The following THUMPD2 variants were observed in gnomAD, a reference collection of about 807,000 sequenced individuals.
THUMPD2 encodes the protein U6 snRNA (guanine-N(2))-methyltransferase THUMPD2.
Under a neutral mutation model 49.4 loss-of-function variants are expected in THUMPD2, and 56 were observed. The ratio of observed to expected loss-of-function variants is 1.13; its 90% CI spans 0.91 to 1.41. The LOEUF (loss-of-function observed/expected upper bound fraction) is 1.41. Ranked by LOEUF, THUMPD2 falls within the 40% of genes most tolerant of loss-of-function variation. The pLI is 0.00. For missense variants in THUMPD2, 709 were observed against 594.5 expected (o/e 1.19, Z -2.00); for synonymous variants, 237 against 205.2 (o/e 1.15, Z -1.32).
At chr2:39,765,661 C>G (rs1677420427) in intron 5 of THUMPD2, among the ~76,000 whole-genome samples, 1 of 151,444 alleles carries the variant, frequency 6.6e-6, no homozygotes, top group Admixed American at 6.6e-5. Context: ...TTTTCTCCAC[C>G]CTTTCTGTCT....
At chr2:39,741,510 G>A (rs1020517965) in intron 9 of THUMPD2, among the ~76,000 whole-genome samples, 1 of 152,028 alleles carries the variant, frequency 6.6e-6, no homozygotes, top group African/African-American at 2.4e-5. Flanking sequence ...TCCTTCAAGC[G>A]GTGCAAGGTG....
intron 8 of THUMPD2, among the ~76,000 whole-genome samples, chr2:39,754,734 CT>C (rs1675869115): frequency 6.6e-6 from 1 of 152,196 alleles, no homozygotes; most frequent in Non-Finnish European, 1.5e-5. Flanking sequence ...GCTGATTCCC[CT>C]TCATTAAACA....
chr2:39,747,720 A>G (rs996554332), intron 8 of THUMPD2, among the ~76,000 whole-genome samples: 20 of 152,176 alleles, frequency 1.3e-4, no homozygotes, highest in African/African-American at 4.8e-4. Flanking sequence ...GTTCTAGTAA[A>G]TGAAATATAC....
chr2:39,778,705 G>T (rs531754721), intron 1 of THUMPD2, among the ~76,000 whole-genome samples: 6 of 152,336 alleles, frequency 3.9e-5, no homozygotes, highest in African/African-American at 1.2e-4. Context: ...ACAATCCTAT[G>T]TAGTCAAATA....
intron 8 of THUMPD2, among the ~76,000 whole-genome samples, chr2:39,746,039 G>GTA (rs1674537622): frequency 6.6e-6 from 1 of 152,164 alleles, no homozygotes; most frequent in African/African-American, 2.4e-5. Context: ...CAATAAAAGA[G>GTA]GTTAATATAT....
At chr2:39,746,907 T>C (rs1240243290) in intron 8 of THUMPD2, among the ~76,000 whole-genome samples, 1 of 152,206 alleles carries the variant, frequency 6.6e-6, no homozygotes, top group Non-Finnish European at 1.5e-5. Context: ...TGTCCAGGTT[T>C]ATAATATTCA....
At chr2:39,760,717 G>C (rs1390086430) in intron 6 of THUMPD2, among the ~76,000 whole-genome samples, 1 of 152,072 alleles carries the variant, frequency 6.6e-6, no homozygotes, top group Non-Finnish European at 1.5e-5. Context: ...GTAAGACAGT[G>C]AGACTTAAAT....
At chr2:39,756,690 A>G (rs1028339380) in intron 6 of THUMPD2, among the ~76,000 whole-genome samples, 11 of 152,058 alleles carry the variant, frequency 7.2e-5, no homozygotes, top group Non-Finnish European at 7.4e-5. Flanking sequence ...AATTATCAAT[A>G]CCAAGCCGAT....
At chr2:39,773,374 A>G (rs1358322756) in intron 1 of THUMPD2, among the ~76,000 whole-genome samples, 1 of 151,838 alleles carries the variant, frequency 6.6e-6, no homozygotes, top group East Asian at 1.9e-4. Flanking sequence ...CAAATTCTGT[A>G]AACAAGTAAA....
chr2:39,774,284 T>C (rs1336738103), intron 1 of THUMPD2, among the ~76,000 whole-genome samples: 1 of 152,256 alleles, frequency 6.6e-6, no homozygotes, highest in South Asian at 2.1e-4. Context: ...AATGTATGTA[T>C]AGATTACATT....
intron 4 of THUMPD2, among the ~76,000 whole-genome samples, chr2:39,767,121 G>C (rs1677628069): frequency 1.3e-5 from 2 of 152,150 alleles, no homozygotes; most frequent in Admixed American, 1.3e-4. Flanking sequence ...TACTACGTGT[G>C]ATTTTTGTGT....
chr2:39,764,918 A>G (rs982266768), intron 5 of THUMPD2, among the ~76,000 whole-genome samples: 3 of 152,244 alleles, frequency 2.0e-5, no homozygotes, highest in Admixed American at 1.3e-4. Context: ...TTCAAGGTAC[A>G]CTATCAATTA....
intron 5 of THUMPD2, among the ~76,000 whole-genome samples, chr2:39,762,915 A>G (rs1177547438): frequency 6.6e-6 from 1 of 151,900 alleles, no homozygotes; most frequent in African/African-American, 2.4e-5. Context: ...CTGCTAATAG[A>G]AGTTTTTGTG....
intron 9 of THUMPD2, among the ~76,000 whole-genome samples, chr2:39,742,029 G>A (rs976359905): frequency 6.6e-6 from 1 of 152,122 alleles, no homozygotes; most frequent in Admixed American, 6.6e-5. Context: ...TCAGAACAAT[G>A]CCATTAAGTG....
At chr2:39,740,370 AG>A (rs1651055120) in intron 9 of THUMPD2, among the ~76,000 whole-genome samples, 1 of 152,232 alleles carries the variant, frequency 6.6e-6, no homozygotes, top group African/African-American at 2.4e-5. Flanking sequence ...ATTGTTGAGT[AG>A]AAAAAAAGCA....
rs573162500 is a variant in THUMPD2 at position 39,746,370 on chromosome 2, G to A, written c.1079-1892C>T. Among the ~76,000 whole-genome samples, 173 of 152,266 alleles carry A rather than the reference G, an allele frequency of 1.1e-3. 3 individuals carry two copies. The South Asian group carries it at 0.034, about 30-fold the overall frequency. Reference sequence around the variant, plus strand: ...TCATCTGGAAACTACAACTTAGTGCGTATTAGAATCAACTGAAAGGTCTTT... The same window carrying A: ...TCATCTGGAAACTACAACTTAGTGCATATTAGAATCAACTGAAAGGTCTTT... On this transcript the variant is annotated intron_variant, in intron 8 of 9. Coordinates refer to ENST00000505747, the MANE Select transcript of THUMPD2 (RefSeq NM_025264.5).
chr2:39,736,691 G>C lies in THUMPD2; in HGVS notation c.*44C>G, dbSNP rs1294624860. 9 of 1,543,812 alleles carry C rather than the reference G, an allele frequency of 5.8e-6. No individual in the cohort carries two copies. Among genetic ancestry groups the C allele is most frequent in the African/African-American group, 1.4e-5 (1 of 69,862 alleles). On this transcript the variant is annotated 3_prime_UTR_variant, in exon 10 of 10. Coordinates refer to ENST00000505747, the MANE Select transcript of THUMPD2 (RefSeq NM_025264.5). The stretch of plus-strand genomic sequence containing the variant: ...AGAGACAGCAAACTTCTGCTGTACA[G>C]CTAACTTACAAGGGCCTGAACCCGG...
intron 8 of THUMPD2, among the ~76,000 whole-genome samples, chr2:39,746,318 G>A (rs1307562418): frequency 5.3e-5 from 8 of 152,140 alleles, no homozygotes; most frequent in South Asian, 2.1e-4. Flanking sequence ...TTCTCAAAGT[G>A]TGGTCCCCAT....
Position 39,755,967 on chromosome 2 carries a change from A to G in THUMPD2, c.892-7T>C, listed in dbSNP as rs551259798. 2 of 1,613,422 alleles carry G rather than the reference A, an allele frequency of 1.2e-6. No homozygotes were observed. The highest frequency in any genetic ancestry group is 3.3e-5 in the Admixed American group (2 of 59,992). On this transcript the variant is annotated splice_region_variant and splice_polypyrimidine_tract_variant and intron_variant, in intron 6 of 9. Coordinates refer to ENST00000505747, the MANE Select transcript of THUMPD2 (RefSeq NM_025264.5). ...CTAAAACAAATGCACCAGCCTGCAG[A>G]CAGAAATATTAATTTGGTATTATTA...
Sources: allele counts gnomAD v4.1 joint callset (sites outside exome capture counted in the v4.1 genomes callset), GRCh38; gene constraint gnomAD v4.1.1; transcripts MANE v1.5; gene names NCBI Gene and HGNC (gene_info 2026-07-23, HGNC 2026-07-21).